Variants in ASTN2 observed in about 807,000 individuals in gnomAD.
ASTN2 encodes astrotactin 2, also known as astrotactin-2.
ASTN2 carries 54 observed loss-of-function variants against 139.8 expected under a neutral mutation model. The observed-to-expected ratio is 0.39, with a 90% CI of 0.31 to 0.48. The LOEUF (loss-of-function observed/expected upper bound fraction) is 0.48, where lower values mean the gene tolerates loss of function less well. Ranked by LOEUF, ASTN2 falls within the 20% of genes least tolerant of loss-of-function variation. ASTN2 has a pLI of 0.95. For synonymous variants in ASTN2, 756 were observed against 719.5 expected, an observed-to-expected ratio of 1.05 and a Z score of -0.81; for missense variants, 1,565 against 1,725.1, an observed-to-expected ratio of 0.91 and a Z score of 1.64.
chr9:117,005,076 G>A (rs1837314471), intron 7 of ASTN2, among the ~76,000 whole-genome samples: 1 of 116,940 alleles, frequency 8.6e-6, no homozygotes, highest in Non-Finnish European at 1.7e-5. Context: ...TGGACCTGTA[G>A]TCGATTTTTT....
chr9:116,896,237 C>T (rs1298281937), intron 10 of ASTN2, among the ~76,000 whole-genome samples: 1 of 152,080 alleles, frequency 6.6e-6, no homozygotes, highest in Admixed American at 6.6e-5. Flanking sequence ...GAGAATTGAG[C>T]CAAGGAATGG....
intron 3 of ASTN2, among the ~76,000 whole-genome samples, chr9:117,145,009 G>A (rs1830162848): frequency 6.6e-6 from 1 of 151,876 alleles, no homozygotes; most frequent in Admixed American, 6.6e-5. Flanking sequence ...TTTTATTTTA[G>A]ACTCAGGGGT....
At chr9:116,461,497 T>C (rs981060633) in intron 20 of ASTN2, among the ~76,000 whole-genome samples, 1 of 152,164 alleles carries the variant, frequency 6.6e-6, no homozygotes, top group Non-Finnish European at 1.5e-5. Flanking sequence ...TAAAAATCTG[T>C]GCACCTAGAT....
chr9:116,746,000 C>T (rs1356671335), intron 13 of ASTN2, among the ~76,000 whole-genome samples: 1 of 151,964 alleles, frequency 6.6e-6, no homozygotes, highest in Non-Finnish European at 1.5e-5. Flanking sequence ...GACTTCCTTG[C>T]CTTTCCCCTG....
At chr9:116,632,772 T>C (rs1856871254) in intron 17 of ASTN2, among the ~76,000 whole-genome samples, 1 of 152,190 alleles carries the variant, frequency 6.6e-6, no homozygotes, top group African/African-American at 2.4e-5. Context: ...TTCCTTGATT[T>C]CCCAGCAGAA....
chr9:117,056,277 G>A (rs576003688), intron 5 of ASTN2, among the ~76,000 whole-genome samples: 3 of 152,310 alleles, frequency 2.0e-5, no homozygotes, highest in African/African-American at 7.2e-5. Context: ...CACAGCAATA[G>A]ATAACTACTA....
intron 16 of ASTN2, among the ~76,000 whole-genome samples, chr9:116,718,219 G>A (rs919414933): frequency 6.6e-6 from 1 of 151,400 alleles, no homozygotes; most frequent in Non-Finnish European, 1.5e-5. Context: ...GCAAAAATGG[G>A]AAAAAAAAAT....
intron 19 of ASTN2, chr9:116,586,246 C>T (rs1854139373): frequency 6.6e-6 from 1 of 152,138 alleles, no homozygotes; most frequent in African/African-American, 2.4e-5. Flanking sequence ...GGAGATTTCT[C>T]AAAGAACTTA....
chr9:116,652,108 G>A (rs1002562482), intron 16 of ASTN2, among the ~76,000 whole-genome samples: 23 of 152,192 alleles, frequency 1.5e-4, no homozygotes, highest in African/African-American at 5.5e-4. Context: ...TGGACCACCT[G>A]AGGTCAAGAG....
At chr9:117,365,703 A>T (rs1158054457) in intron 1 of ASTN2, among the ~76,000 whole-genome samples, 3 of 152,184 alleles carry the variant, frequency 2.0e-5, no homozygotes, top group Admixed American at 1.3e-4. Flanking sequence ...TATTTGACAA[A>T]GCAATGCTAA....
At chr9:117,108,387 C>A (rs1317866492) in intron 4 of ASTN2, among the ~76,000 whole-genome samples, 1 of 151,236 alleles carries the variant, frequency 6.6e-6, no homozygotes, top group African/African-American at 2.4e-5. Flanking sequence ...CTTGACTATA[C>A]TATCAAGCAG....
At chr9:116,852,390 A>G (rs1045928160) in intron 11 of ASTN2, among the ~76,000 whole-genome samples, 3 of 152,204 alleles carry the variant, frequency 2.0e-5, no homozygotes, top group African/African-American at 4.8e-5. Flanking sequence ...ATTTGAATCC[A>G]ACTCTGAATT....
At chr9:116,965,242 A>T (rs1257834508) in intron 10 of ASTN2, among the ~76,000 whole-genome samples, 1 of 152,190 alleles carries the variant, frequency 6.6e-6, no homozygotes, top group African/African-American at 2.4e-5. Flanking sequence ...ATTTAGTCCA[A>T]CCTGTTAGAT....
chr9:116,791,374 G>C (rs534237471), intron 13 of ASTN2, among the ~76,000 whole-genome samples: 4 of 152,296 alleles, frequency 2.6e-5, no homozygotes, highest in Middle Eastern at 3.4e-3. Context: ...AATGTGGATT[G>C]ACCATAATGT....
At chr9:116,937,621 A>G (rs1165702983) in intron 10 of ASTN2, among the ~76,000 whole-genome samples, 1 of 152,224 alleles carries the variant, frequency 6.6e-6, no homozygotes, top group East Asian at 1.9e-4. Context: ...AGCATGTCCA[A>G]GGATCAAGTT....
At chr9:116,432,062 T>A (rs1847515741) in intron 22 of ASTN2, among the ~76,000 whole-genome samples, 1 of 152,194 alleles carries the variant, frequency 6.6e-6, no homozygotes, top group African/African-American at 2.4e-5. Flanking sequence ...TGTCATTGTT[T>A]ATTTGTTTTT....
intron 11 of ASTN2, among the ~76,000 whole-genome samples, chr9:116,842,770 A>G (rs1233131126): frequency 2.0e-5 from 3 of 151,818 alleles, no homozygotes; most frequent in Non-Finnish European, 4.4e-5. Flanking sequence ...TGCAAAAAGG[A>G]TTACAGGGAT....
chr9:116,475,030 G>A lies in ASTN2; in HGVS notation c.3497+12329C>T, dbSNP rs185610877. Among the ~76,000 whole-genome samples, 188 of 152,186 alleles carry A rather than the reference G, an allele frequency of 1.2e-3. 1 individual carries two copies. Among genetic ancestry groups the A allele is most frequent in the Middle Eastern group, 6.8e-3 (2 of 294 alleles). On this transcript the variant is annotated intron_variant, in intron 20 of 22. Coordinates refer to ENST00000313400, the MANE Select transcript of ASTN2 (RefSeq NM_001365068.1). Reference sequence around the variant, plus strand: ...TGACTATGATGCCAGAGTCTCTTGGGGTCTCAGCTTCCTCATCTATACACT... The same window carrying A: ...TGACTATGATGCCAGAGTCTCTTGGAGTCTCAGCTTCCTCATCTATACACT...
intron 10 of ASTN2, among the ~76,000 whole-genome samples, chr9:116,943,902 T>G (rs1835305615): frequency 6.6e-6 from 1 of 152,198 alleles, no homozygotes; most frequent in African/African-American, 2.4e-5. Flanking sequence ...AGCTCTATGA[T>G]GAGTACTAAA....
Sources: allele counts gnomAD v4.1 joint callset (sites outside exome capture counted in the v4.1 genomes callset), GRCh38; gene constraint gnomAD v4.1.1; transcripts MANE v1.5; gene names NCBI Gene and HGNC (gene_info 2026-07-23, HGNC 2026-07-21).